The following NTM variants were observed in gnomAD, a reference collection of about 807,000 sequenced individuals.
NTM encodes the protein IgLON family member 2.
NTM carries 13 observed loss-of-function variants against 42.1 expected under a neutral mutation model. The ratio of observed to expected loss-of-function variants is 0.31; its 90% CI spans 0.20 to 0.49. NTM has a LOEUF of 0.49. NTM is among the 20% of genes least tolerant of loss of function. The pLI, the probability that NTM is intolerant of heterozygous loss-of-function variation, is 0.99. For synonymous variants in NTM, 187 were observed against 179.2 expected, an observed-to-expected ratio of 1.04 and a Z score of -0.35; for missense variants, 373 against 452.8, an observed-to-expected ratio of 0.82 and a Z score of 1.60.
intron 1 of NTM, among the ~76,000 whole-genome samples, chr11:131,626,985 G>A (rs540896371): frequency 6.6e-5 from 10 of 152,308 alleles, no homozygotes; most frequent in Admixed American, 2.6e-4. Context: ...CCTTTCACCC[G>A]CTGTAGGGTA....
intron 2 of NTM, among the ~76,000 whole-genome samples, chr11:132,143,288 T>C (rs2069589068): frequency 6.6e-6 from 1 of 152,174 alleles, no homozygotes; most frequent in Admixed American, 6.5e-5. Context: ...AAATGCAGCC[T>C]CCCAGGCCCT....
chr11:132,158,951 T>C (rs539958548), intron 3 of NTM, among the ~76,000 whole-genome samples: 1 of 152,330 alleles, frequency 6.6e-6, no homozygotes, highest in Non-Finnish European at 1.5e-5. Context: ...ACAGCCTGGA[T>C]AGCAGGAGAG....
chr11:131,768,725 C>T (rs1182180719), intron 1 of NTM, among the ~76,000 whole-genome samples: 2 of 152,106 alleles, frequency 1.3e-5, no homozygotes, highest in African/African-American at 2.4e-5. Flanking sequence ...CTAGGTGTCA[C>T]GTAAAATGCT....
chr11:131,786,398 C>G (rs1401071023), intron 1 of NTM, among the ~76,000 whole-genome samples: 2 of 152,130 alleles, frequency 1.3e-5, no homozygotes, highest in Non-Finnish European at 2.9e-5. Flanking sequence ...CTTACAAATT[C>G]TGTGTTTGCA....
At chr11:131,417,776 G>T (rs1947103314) in intron 1 of NTM, among the ~76,000 whole-genome samples, 1 of 152,022 alleles carries the variant, frequency 6.6e-6, no homozygotes, top group Non-Finnish European at 1.5e-5. Flanking sequence ...AGGAAGATGG[G>T]GCCTAATCCC....
At chr11:131,541,399 A>G (rs1591992031) in intron 1 of NTM, among the ~76,000 whole-genome samples, 1 of 152,318 alleles carries the variant, frequency 6.6e-6, no homozygotes, top group East Asian at 1.9e-4. Context: ...TGAAAATTTC[A>G]GAGTTTCCTG....
At chr11:132,213,380 C>A (rs184735806) in intron 4 of NTM, among the ~76,000 whole-genome samples, 1 of 152,184 alleles carries the variant, frequency 6.6e-6, no homozygotes, top group East Asian at 1.9e-4. Flanking sequence ...GGTGATGGAG[C>A]TGGTCCTCTA....
At chr11:132,013,532 A>G (rs1593718118) in intron 2 of NTM, among the ~76,000 whole-genome samples, 1 of 152,256 alleles carries the variant, frequency 6.6e-6, no homozygotes, top group East Asian at 1.9e-4. Context: ...AGTAAACAGA[A>G]TCTAGAAAAG....
At chr11:131,601,499 A>C (rs572998496) in intron 1 of NTM, among the ~76,000 whole-genome samples, 8 of 152,330 alleles carry the variant, frequency 5.3e-5, no homozygotes, top group African/African-American at 1.7e-4. Context: ...GTTTTAATGA[A>C]ATCTCATTTG....
At position 131,515,204 on chromosome 11, in the gene NTM, T is replaced by A. The variant is rs75325121; in HGVS notation, c.82+144316T>A. Among the ~76,000 whole-genome samples, 7 of 152,304 alleles carry A rather than the reference T, an allele frequency of 4.6e-5. No individual in the cohort carries two copies. The East Asian group carries it at 1.4e-3, about 29-fold the overall frequency. On this transcript the variant is annotated intron_variant, in intron 1 of 8. Coordinates refer to ENST00000683400, the MANE Select transcript of NTM (RefSeq NM_001352005.2). ...TGTTGGGATTATAGGCATGAGCCAC[T>A]GCACACGGTGAGTGTTACTTCTGAT...
At chr11:132,249,569 C>T (rs1477872956) in intron 4 of NTM, among the ~76,000 whole-genome samples, 1 of 152,224 alleles carries the variant, frequency 6.6e-6, no homozygotes, top group African/African-American at 2.4e-5. Context: ...TGTTGGATTT[C>T]AAATCCTAGG....
At chr11:132,189,927 T>C (rs188678013) in intron 3 of NTM, among the ~76,000 whole-genome samples, 13 of 152,274 alleles carry the variant, frequency 8.5e-5, no homozygotes, top group Non-Finnish European at 1.6e-4. Context: ...ATAAAAACAT[T>C]ATAGGTCCTG....
intron 1 of NTM, among the ~76,000 whole-genome samples, chr11:131,789,646 A>AAGAAGAAGAAGAAGAAG (rs2090521128): frequency 7.8e-6 from 1 of 127,974 alleles, no homozygotes; most frequent in African/African-American, 3.0e-5. Context: ...AAAGAAGAAG[A>AAGAAGAAGAAGAAGAAG]AGAAGAAGAA....
rs184093416 is a variant in NTM, at chr11:132,193,142, G to A, written c.401-18880G>A. Among the ~76,000 whole-genome samples the A allele has an allele frequency of 2.5e-3, 385 of 152,126 alleles. 3 individuals carry two copies. Among genetic ancestry groups the A allele is most frequent in the African/African-American group, 8.5e-3 (353 of 41,538 alleles). On this transcript the variant is annotated intron_variant, in intron 3 of 8. Coordinates refer to ENST00000683400, the MANE Select transcript of NTM (RefSeq NM_001352005.2). ...ACACTGACAAACATGACACTTGACC[G>A]GTTGAATTTAATTGACATCTACAGA...
chr11:131,798,659 A>G (rs1249728795), intron 1 of NTM, among the ~76,000 whole-genome samples: 2 of 152,238 alleles, frequency 1.3e-5, no homozygotes, highest in East Asian at 1.9e-4. Context: ...TGTATCCATA[A>G]AACAGTATGT....
intron 4 of NTM, among the ~76,000 whole-genome samples, chr11:132,257,576 T>A (rs572083468): frequency 2.0e-5 from 3 of 152,292 alleles, no homozygotes; most frequent in Admixed American, 6.5e-5. Flanking sequence ...GAAGCCAGCA[T>A]GACAAGGGAG....
intron 2 of NTM, among the ~76,000 whole-genome samples, chr11:131,976,113 CTCAT>C (rs1555201495): frequency 4.5e-5 from 3 of 67,344 alleles, no homozygotes; most frequent in African/African-American, 1.1e-4. Context: ...CCCTCCCTCC[CTCAT>C]TCCTTCCTTC....
intron 1 of NTM, among the ~76,000 whole-genome samples, chr11:131,411,768 G>A (rs1290577584): frequency 6.6e-6 from 1 of 152,152 alleles, no homozygotes; most frequent in Non-Finnish European, 1.5e-5. Context: ...GATTTGCAGA[G>A]CACAAAGAGC....
At chr11:131,406,066 A>G (rs1945783218) in intron 1 of NTM, among the ~76,000 whole-genome samples, 1 of 152,194 alleles carries the variant, frequency 6.6e-6, no homozygotes, top group South Asian at 2.1e-4. Context: ...CTGTCCTGTT[A>G]ATTTGTTTAC....
Sources: gnomAD v4.1 joint callset for allele counts (sites outside exome capture counted in the v4.1 genomes callset) on GRCh38, gnomAD v4.1.1 for gene constraint, MANE v1.5 for transcripts, NCBI Gene and HGNC (gene_info 2026-07-23, HGNC 2026-07-21) for gene names.